Variants in ALCAM observed in about 807,000 individuals in gnomAD.
The protein encoded by ALCAM is activated leukocyte cell adhesion molecule.
In ALCAM, 30 loss-of-function variants were observed where a neutral mutation model predicts 70.9. The observed-to-expected ratio is 0.42, with a 90% CI of 0.32 to 0.57. ALCAM has a LOEUF of 0.57. ALCAM is among the 20% of genes least tolerant of loss of function. The probability of loss-of-function intolerance (pLI) is 0.11; values close to 1 mark genes in which losing one functional copy is unlikely to be tolerated. For missense variants in ALCAM, 591 were observed against 695.1 expected, an observed-to-expected ratio of 0.85 and a Z score of 1.68; for synonymous variants, 249 against 242.5, an observed-to-expected ratio of 1.03 and a Z score of -0.25.
intron 1 of ALCAM, among the ~76,000 whole-genome samples, chr3:105,481,737 G>A (rs6437595): frequency 0.4 from 61,433 of 151,780 alleles, 13,036 homozygotes; most frequent in Admixed American, 0.52. Context: ...AGGAATCAGA[G>A]GTTTTCTTTT....
At chr3:105,418,783 AT>A (rs1052720879) in intron 1 of ALCAM, among the ~76,000 whole-genome samples, 2 of 151,838 alleles carry the variant, frequency 1.3e-5, no homozygotes, top group African/African-American at 4.8e-5. Context: ...TAGATCTTCA[AT>A]TTTATCTTCA....
At chr3:105,570,588 A>G (rs1424217066) in intron 14 of ALCAM, among the ~76,000 whole-genome samples, 1 of 152,218 alleles carries the variant, frequency 6.6e-6, no homozygotes, top group African/African-American at 2.4e-5. Flanking sequence ...TGTCTAAGCT[A>G]TGTATAGAAT....
intron 1 of ALCAM, among the ~76,000 whole-genome samples, chr3:105,430,799 T>G (rs759988165): frequency 5.9e-5 from 9 of 152,134 alleles, no homozygotes; most frequent in Non-Finnish European, 8.8e-5. Flanking sequence ...TTTGGATTTA[T>G]GCTCTGCATG....
intron 1 of ALCAM, among the ~76,000 whole-genome samples, chr3:105,415,625 A>G (rs1393751014): frequency 6.6e-6 from 1 of 152,088 alleles, no homozygotes; most frequent in South Asian, 2.1e-4. Context: ...GTTTTTTTGA[A>G]TCGATAACCT....
At chr3:105,466,505 T>G (rs962033966) in intron 1 of ALCAM, among the ~76,000 whole-genome samples, 3 of 151,450 alleles carry the variant, frequency 2.0e-5, no homozygotes, top group African/African-American at 7.3e-5. Context: ...AATTTGTTCT[T>G]TCTGGAATTT....
intron 1 of ALCAM, among the ~76,000 whole-genome samples, chr3:105,421,177 GAACA>G (rs1936643037): frequency 6.6e-6 from 1 of 151,314 alleles, no homozygotes; most frequent in African/African-American, 2.4e-5. Context: ...TTGTAGAGAT[GAACA>G]AATAGGTTCA....
At chr3:105,455,299 G>A (rs1333787635) in intron 1 of ALCAM, among the ~76,000 whole-genome samples, 3 of 151,622 alleles carry the variant, frequency 2.0e-5, no homozygotes, top group Non-Finnish European at 2.9e-5. Flanking sequence ...AAAATTAGCC[G>A]GGCGTGGTGG....
Position 105,534,823 on chromosome 3 carries a change from A to G in ALCAM, c.708A>G (p.Glu236=). The change falls in exon 6 of 16, where the codon GAA becomes GAG. Residue 236 remains glutamate, a synonymous_variant. Transcript: ENST00000306107. ...CTGGCCAGAAAACAATTCATTCTGAACAGGCAGTATTTGATATTTACTGTA... is the reference window on the plus strand; with the variant it reads ...CTGGCCAGAAAACAATTCATTCTGAGCAGGCAGTATTTGATATTTACTGTA... The part of the protein sequence containing the change: ...GPSGQKTIHS[E]QAVFDIYYPT... The G allele has an allele frequency of 6.2e-7, 1 of 1,613,276 alleles. No individual in the cohort carries two copies.
In ALCAM at chr3:105,552,131, T is replaced by C. The variant is rs1484141232; in HGVS notation, c.1508-13T>C. ...TTTTGTTTTTAATTTCATATTAACA[T>C]TTTTCATTTCAGTAAGTATTCCAGA... On this transcript the variant is annotated splice_polypyrimidine_tract_variant and intron_variant, in intron 12 of 15. Transcript: ENST00000306107. The C allele has an allele frequency of 6.3e-7, 1 of 1,594,692 alleles. No homozygotes were observed.
At chr3:105,441,434 T>A (rs1937167882) in intron 1 of ALCAM, among the ~76,000 whole-genome samples, 1 of 152,218 alleles carries the variant, frequency 6.6e-6, no homozygotes, top group Non-Finnish European at 1.5e-5. Context: ...ATTGCCACCT[T>A]ATTCATTATG....
intron 1 of ALCAM, among the ~76,000 whole-genome samples, chr3:105,473,933 T>G (rs192416491): frequency 1.5e-4 from 23 of 151,552 alleles, no homozygotes; most frequent in Admixed American, 1.4e-3. Flanking sequence ...GTCTGTCACA[T>G]CTAATTATTC....
intron 1 of ALCAM, among the ~76,000 whole-genome samples, chr3:105,428,360 G>A (rs1936844620): frequency 6.6e-6 from 1 of 151,740 alleles, no homozygotes; most frequent in Non-Finnish European, 1.5e-5. Flanking sequence ...CACCCTTATA[G>A]CCCTAAACCA....
intron 1 of ALCAM, among the ~76,000 whole-genome samples, chr3:105,373,596 A>C (rs1032034826): frequency 6.6e-6 from 1 of 152,162 alleles, no homozygotes; most frequent in Non-Finnish European, 1.5e-5. Flanking sequence ...ATAATGACTA[A>C]AGTGAGTCTT....
chr3:105,550,696 T>G (rs1259592986), intron 12 of ALCAM, among the ~76,000 whole-genome samples: 1 of 151,588 alleles, frequency 6.6e-6, no homozygotes, highest in Admixed American at 6.6e-5. Flanking sequence ...ACCCTTATGT[T>G]GTACTAGAAT....
intron 1 of ALCAM, among the ~76,000 whole-genome samples, chr3:105,446,766 G>A (rs932689324): frequency 4.6e-5 from 7 of 151,920 alleles, no homozygotes; most frequent in African/African-American, 1.5e-4. Context: ...AAAGACAAAG[G>A]CCTTCCTTAT....
chr3:105,432,984 A>AT (rs1936970385), intron 1 of ALCAM, among the ~76,000 whole-genome samples: 1 of 152,192 alleles, frequency 6.6e-6, no homozygotes, highest in South Asian at 2.1e-4. Flanking sequence ...TTTCAGGTAT[A>AT]TTAAGCTGGA....
chr3:105,525,674 A>G (rs1396471670), intron 3 of ALCAM, among the ~76,000 whole-genome samples: 1 of 152,194 alleles, frequency 6.6e-6, no homozygotes, highest in African/African-American at 2.4e-5. Flanking sequence ...TCTGTCCCTC[A>G]AGTATTTATA....
At chr3:105,459,706 T>C (rs1937577977) in intron 1 of ALCAM, among the ~76,000 whole-genome samples, 1 of 152,124 alleles carries the variant, frequency 6.6e-6, no homozygotes, top group Non-Finnish European at 1.5e-5. Flanking sequence ...TGAATTGAAT[T>C]GAAAGTACTC....
intron 1 of ALCAM, among the ~76,000 whole-genome samples, chr3:105,383,142 C>T (rs1197629741): frequency 2.0e-5 from 3 of 151,742 alleles, no homozygotes; most frequent in African/African-American, 7.3e-5. Flanking sequence ...TCCTTCAGAA[C>T]ACAGTTTATA....
Sources: gnomAD v4.1 joint callset for allele counts (sites outside exome capture counted in the v4.1 genomes callset) on GRCh38, gnomAD v4.1.1 for gene constraint, MANE v1.5 for transcripts, NCBI Gene and HGNC (gene_info 2026-07-23, HGNC 2026-07-21) for gene names.